GDAP2: variants seen among roughly 807,000 people sequenced by gnomAD.
GDAP2 encodes the protein ganglioside induced differentiation associated protein 2, also known as ganglioside-induced differentiation-associated protein 2.
GDAP2 carries 51 observed loss-of-function variants against 67.0 expected under a neutral mutation model. That is an observed-to-expected ratio of 0.76 (90% CI 0.61 to 0.96). GDAP2 has a LOEUF of 0.96. GDAP2 is among the 40% of genes least tolerant of loss of function. The probability of loss-of-function intolerance (pLI) is 0.00; values close to 1 mark genes in which losing one functional copy is unlikely to be tolerated. For synonymous variants in GDAP2, 203 were observed against 207.3 expected, an observed-to-expected ratio of 0.98 and a Z score of 0.18; for missense variants, 547 against 588.3, an observed-to-expected ratio of 0.93 and a Z score of 0.73.
In GDAP2 at chr1:117,866,330, T is replaced by C. The variant is rs1279467201; in HGVS notation, c.*4239A>G. On this transcript the variant is annotated 3_prime_UTR_variant, in exon 14 of 14. Transcript: ENST00000369443. ...ATCAGGAATTGCGCTGGATGGCACT[T>C]TGATCTTGGGGTTTCTCAGCCTCCA... 1 of 152,182 alleles carries C rather than the reference T, an allele frequency of 6.6e-6. No homozygotes were observed. Among genetic ancestry groups the C allele is most frequent in the African/African-American group, 2.4e-5 (1 of 41,454 alleles). 9.4% of individuals were successfully genotyped at this position (152,182 alleles called of 1,614,324 possible).
At chr1:117,901,344 T>C (rs1439649711) in intron 6 of GDAP2, among the ~76,000 whole-genome samples, 1 of 152,370 alleles carries the variant, frequency 6.6e-6, no homozygotes, top group East Asian at 1.9e-4. Context: ...CAAGTTTTTG[T>C]GTGGACTTAT....
chr1:117,896,896 T>C lies in GDAP2; in HGVS notation c.890A>G (p.Gln297Arg). The C allele has an allele frequency of 1.9e-6, 3 of 1,613,140 alleles. No individual in the cohort carries two copies. The highest frequency in any genetic ancestry group is 2.5e-6 in the Non-Finnish European group (3 of 1,179,260). The stretch of plus-strand genomic sequence containing the variant: ...TTGTCCCTGAAGGATCAGTTTTCTT[T>C]GCTTGTCAATATCTCCTTCCATTCG... ...FARMEGDIDK[Q>R]RKLILQGQLS... Residue 297 changes from glutamine to arginine, a missense_variant, in exon 8 of 14, where the codon CAA becomes CGA. Transcript: ENST00000369443.
At chr1:117,928,450 G>T (rs1277481626) in intron 1 of GDAP2, among the ~76,000 whole-genome samples, 2 of 152,130 alleles carry the variant, frequency 1.3e-5, no homozygotes, top group Admixed American at 1.3e-4. Context: ...ACCTGTCAGG[G>T]ATATTAACCA....
intron 2 of GDAP2, among the ~76,000 whole-genome samples, chr1:117,919,189 A>C (rs1301714533): frequency 1.3e-5 from 2 of 152,174 alleles, no homozygotes; most frequent in Non-Finnish European, 2.9e-5. Context: ...CCTGGCTGAC[A>C]CGGTGAAACC....
chr1:117,896,799 T>G (rs769496439), intron 8 of GDAP2, 34 bp downstream of exon 8: 44 of 1,513,260 alleles, frequency 2.9e-5, no homozygotes, highest in Non-Finnish European at 4.0e-5. Context: ...TCTGATGTCC[T>G]TATGTATCTA....
At chr1:117,916,965 C>G (rs757829625) in intron 3 of GDAP2, among the ~76,000 whole-genome samples, 1 of 150,112 alleles carries the variant, frequency 6.7e-6, no homozygotes, top group East Asian at 2.0e-4. Context: ...ACCTGGGAGG[C>G]GGAGGTTGTG....
In GDAP2 at chr1:117,870,246, G is replaced by GTCGCCGTATCATTAAAAAA; in HGVS notation, c.*322_*323insTTTTTTAATGATACGGCGA. 1 of 360,902 alleles carries GTCGCCGTATCATTAAAAAA rather than the reference G, an allele frequency of 2.8e-6. No individual in the cohort carries two copies. Among genetic ancestry groups the GTCGCCGTATCATTAAAAAA allele is most frequent in the South Asian group, 3.0e-5 (1 of 32,892 alleles). The allele number at this position is 360,902 out of a possible 1,614,324, so 22.4% of individuals were successfully genotyped here. On this transcript the variant is annotated 3_prime_UTR_variant, in exon 14 of 14. Coordinates refer to ENST00000369443, the MANE Select transcript of GDAP2 (RefSeq NM_017686.4). ...TAGAGAGATGATGTGAACAGTCTTG[G>GTCGCCGTATCATTAAAAAA]TGGTTTATCTAATGGAGAATTCGGT...
At chr1:117,909,453 A>G (rs1649774876) in intron 5 of GDAP2, among the ~76,000 whole-genome samples, 1 of 152,244 alleles carries the variant, frequency 6.6e-6, no homozygotes, top group African/African-American at 2.4e-5. Flanking sequence ...AATGAAATAA[A>G]TTTTGATAAT....
Position 117,899,048 on chromosome 1 carries a change from A to G in GDAP2, c.796+9T>C. 6.2e-7 allele frequency: 1 copy of G among 1,610,686 alleles called. No individual in the cohort carries two copies. The highest frequency in any genetic ancestry group is 8.5e-7 in the Non-Finnish European group (1 of 1,176,984). ...GGGAGATTTAAAAAGTTAGAGCTCT[A>G]GAACTCACCTTCTGGAGCACCAGGT... On this transcript the variant is annotated intron_variant, in intron 7 of 13. Coordinates refer to ENST00000369443, the MANE Select transcript of GDAP2 (RefSeq NM_017686.4).
intron 1 of GDAP2, among the ~76,000 whole-genome samples, chr1:117,923,371 A>G (rs1650328470): frequency 6.6e-6 from 1 of 152,230 alleles, no homozygotes; most frequent in Non-Finnish European, 1.5e-5. Context: ...ATGTTCAGAG[A>G]CTGCAGTAAA....
At position 117,895,795 on chromosome 1, in the gene GDAP2, G is replaced by A. The variant is rs546041206; in HGVS notation, c.953+1038C>T. On this transcript the variant is annotated intron_variant, in intron 8 of 13. Coordinates refer to ENST00000369443, the MANE Select transcript of GDAP2 (RefSeq NM_017686.4). ...TGAGGAGACACAAAATACTAGTTCT[G>A]AAAGTGACTGGAGAGTTCATGTAGT... is the stretch of plus-strand genomic sequence containing the variant. 3.3e-4 allele frequency among the ~76,000 whole-genome samples: 50 copies of A among 152,270 alleles called. 1 individual carries two copies. The highest frequency in any genetic ancestry group is 5.8e-4 in the East Asian group (3 of 5,190).
intron 8 of GDAP2, among the ~76,000 whole-genome samples, chr1:117,888,039 T>C (rs1250030762): frequency 2.6e-5 from 4 of 152,184 alleles, no homozygotes; most frequent in Non-Finnish European, 5.9e-5. Flanking sequence ...TACAGGTAAA[T>C]GGCTAAGATA....
intron 5 of GDAP2, among the ~76,000 whole-genome samples, chr1:117,909,795 C>G (rs113702845): frequency 6.6e-6 from 1 of 152,130 alleles, no homozygotes; most frequent in South Asian, 2.1e-4. Flanking sequence ...TGACCTCTTT[C>G]ATAGTACTGT....
At chr1:117,883,408 T>C in intron 11 of GDAP2, 80 bp downstream of exon 11, 1 of 1,015,864 alleles carries the variant, frequency 9.8e-7, no homozygotes, top group Non-Finnish European at 1.5e-6. Context: ...TTTCACAGAA[T>C]ACAAAGCAAT....
chr1:117,920,830 G>A (rs941206124), intron 1 of GDAP2, among the ~76,000 whole-genome samples: 3 of 152,110 alleles, frequency 2.0e-5, no homozygotes, highest in Admixed American at 6.5e-5. Context: ...AGGATGTACT[G>A]AGTAAGACAA....
Position 117,896,942 on chromosome 1 carries a change from TGAAA to T in GDAP2, c.840_843del (p.Phe281LeufsTer19). The T allele has an allele frequency of 1.2e-6, 2 of 1,612,194 alleles. No individual in the cohort carries two copies. Among genetic ancestry groups the T allele is most frequent in the Non-Finnish European group, 1.7e-6 (2 of 1,178,548 alleles). On this transcript the variant is annotated frameshift_variant, in exon 8 of 14. Transcript: ENST00000369443. LOFTEE classifies it high-confidence loss of function. ...ATTCGAGCAAAAGCATGAGAGCCAA[TGAAA>T]GAGAGATCAACTCCCAAGCCTTCAT... is the stretch of plus-strand genomic sequence containing the variant.
intron 2 of GDAP2, 60 bp downstream of exon 2, chr1:117,920,122 G>C: frequency 2.1e-6 from 2 of 960,116 alleles, no homozygotes; most frequent in Non-Finnish European, 3.2e-6. Context: ...TAAAAAAGAG[G>C]TTAGAATAAA....
chr1:117,922,584 G>A, intron 1 of GDAP2, among the ~76,000 whole-genome samples: 1 of 152,092 alleles, frequency 6.6e-6, no homozygotes, highest in South Asian at 2.1e-4. Context: ...TTAAAGCTGG[G>A]TGTCCAGGGG....
intron 2 of GDAP2, among the ~76,000 whole-genome samples, 160 bp downstream of exon 2, chr1:117,920,022 C>T (rs1190696981): frequency 6.6e-6 from 1 of 152,142 alleles, no homozygotes; most frequent in Non-Finnish European, 1.5e-5. Context: ...ATATTGTATA[C>T]TTTAAATATG....
Sources: gnomAD v4.1 joint callset for allele counts (sites outside exome capture counted in the v4.1 genomes callset) on GRCh38, gnomAD v4.1.1 for gene constraint, MANE v1.5 for transcripts, NCBI Gene and HGNC (gene_info 2026-07-23, HGNC 2026-07-21) for gene names.